ZFAND3: variants seen among roughly 807,000 people sequenced by gnomAD.
The protein encoded by ZFAND3 is AN1-type zinc finger protein 3.
A neutral mutation model predicts 29.6 loss-of-function variants in ZFAND3; 10 were observed. That is an observed-to-expected ratio of 0.34 (90% CI 0.21 to 0.57). The LOEUF is 0.57. Ranked by LOEUF, ZFAND3 falls within the 20% of genes least tolerant of loss-of-function variation. The probability of loss-of-function intolerance (pLI) is 0.86; values close to 1 mark genes in which losing one functional copy is unlikely to be tolerated. For synonymous variants in ZFAND3, 128 were observed against 112.6 expected, an observed-to-expected ratio of 1.14 and a Z score of -0.87; for missense variants, 230 against 304.5, an observed-to-expected ratio of 0.76 and a Z score of 1.82.
chr6:38,024,051 G>A (rs976252815), intron 2 of ZFAND3, among the ~76,000 whole-genome samples: 1 of 152,106 alleles, frequency 6.6e-6, no homozygotes, highest in South Asian at 2.1e-4. Flanking sequence ...CAAACGAGAC[G>A]AAACCAGGTT....
chr6:38,000,268 CT>C (rs1762922916), intron 2 of ZFAND3, among the ~76,000 whole-genome samples: 1 of 152,142 alleles, frequency 6.6e-6, no homozygotes, highest in Non-Finnish European at 1.5e-5. Flanking sequence ...ATTATAAATT[CT>C]TCTCATCTAA....
At chr6:37,948,869 A>C (rs1284825399) in intron 2 of ZFAND3, among the ~76,000 whole-genome samples, 1 of 152,108 alleles carries the variant, frequency 6.6e-6, no homozygotes, top group Non-Finnish European at 1.5e-5. Flanking sequence ...TTGGGCATTT[A>C]GGTTGATTCC....
chr6:37,857,917 A>G (rs1041194501), intron 1 of ZFAND3, among the ~76,000 whole-genome samples: 2 of 152,168 alleles, frequency 1.3e-5, no homozygotes, highest in African/African-American at 2.4e-5. Flanking sequence ...TGTTAACTTC[A>G]GGAATGGGCC....
intron 1 of ZFAND3, among the ~76,000 whole-genome samples, chr6:37,921,892 A>AC: frequency 6.6e-6 from 1 of 150,904 alleles, no homozygotes; most frequent in Non-Finnish European, 1.5e-5. Context: ...CAAAAAAAAA[A>AC]AAAAAACAAA....
At chr6:38,032,568 T>C (rs1456181030) in intron 2 of ZFAND3, among the ~76,000 whole-genome samples, 1 of 152,244 alleles carries the variant, frequency 6.6e-6, no homozygotes, top group African/African-American at 2.4e-5. Flanking sequence ...TAAAATGTAC[T>C]GAAGAACTCT....
intron 2 of ZFAND3, among the ~76,000 whole-genome samples, chr6:37,945,801 C>G (rs1367875547): frequency 1.3e-5 from 2 of 152,098 alleles, no homozygotes; most frequent in East Asian, 3.8e-4. Flanking sequence ...TATAAAATAC[C>G]TGACTTTGTT....
At chr6:38,116,856 C>T (rs910265540) in intron 5 of ZFAND3, 117 bp downstream of exon 5, 10 of 1,326,542 alleles carry the variant, frequency 7.5e-6, no homozygotes, top group African/African-American at 5.9e-5. Flanking sequence ...AAGTTTGCTA[C>T]AGTAGTGCAT....
chr6:38,064,666 CTTTTTT>C (rs35827782), intron 3 of ZFAND3, among the ~76,000 whole-genome samples: 1 of 115,940 alleles, frequency 8.6e-6, no homozygotes. Flanking sequence ...CTGCTATGGG[CTTTTTT>C]TTTTTTTTTT....
At chr6:37,855,792 C>T (rs1018512820) in intron 1 of ZFAND3, among the ~76,000 whole-genome samples, 6 of 152,088 alleles carry the variant, frequency 3.9e-5, no homozygotes, top group Non-Finnish European at 7.4e-5. Flanking sequence ...CAGTGTACTT[C>T]GTTGGTGCCT....
chr6:38,121,262 G>GCTA (rs1765528364), intron 5 of ZFAND3, among the ~76,000 whole-genome samples: 1 of 152,202 alleles, frequency 6.6e-6, no homozygotes, highest in Non-Finnish European at 1.5e-5. Flanking sequence ...TGTGGTCCCA[G>GCTA]CTACTTGGGA....
At chr6:38,041,246 T>C (rs1166702649) in intron 2 of ZFAND3, among the ~76,000 whole-genome samples, 1 of 152,204 alleles carries the variant, frequency 6.6e-6, no homozygotes, top group African/African-American at 2.4e-5. Context: ...AGTGTGCTCA[T>C]GTCTCTCCAC....
At chr6:38,108,657 C>T (rs1007424122) in intron 4 of ZFAND3, among the ~76,000 whole-genome samples, 7 of 152,224 alleles carry the variant, frequency 4.6e-5, no homozygotes, top group African/African-American at 1.2e-4. Context: ...CTGCTGTGTT[C>T]TGGCCATCCT....
intron 5 of ZFAND3, chr6:38,142,362 A>C: frequency 2.1e-6 from 1 of 471,278 alleles, no homozygotes; most frequent in Non-Finnish European, 4.4e-6. Flanking sequence ...CTTGCCTGCA[A>C]AGGTGCCTTC....
intron 1 of ZFAND3, among the ~76,000 whole-genome samples, chr6:37,832,190 G>A (rs1052461307): frequency 2.0e-5 from 3 of 152,160 alleles, no homozygotes; most frequent in Non-Finnish European, 4.4e-5. Context: ...GGCAGCAGTA[G>A]GGGGCTGAAA....
intron 2 of ZFAND3, among the ~76,000 whole-genome samples, chr6:38,024,107 T>C (rs1490187278): frequency 6.6e-6 from 1 of 152,200 alleles, no homozygotes; most frequent in Non-Finnish European, 1.5e-5. Context: ...AGTATTCCTT[T>C]CTTTAAAAAT....
intron 1 of ZFAND3, among the ~76,000 whole-genome samples, chr6:37,899,214 T>G (rs999917872): frequency 2.0e-4 from 30 of 152,212 alleles, no homozygotes; most frequent in Non-Finnish European, 4.0e-4. Flanking sequence ...GTTTCTGATT[T>G]TTAAGATTCC....
intron 1 of ZFAND3, among the ~76,000 whole-genome samples, chr6:37,836,147 T>G (rs1763964049): frequency 6.6e-6 from 1 of 152,184 alleles, no homozygotes; most frequent in Admixed American, 6.5e-5. Context: ...TCAGTGATTC[T>G]CTGTGGGATA....
At chr6:37,872,807 G>T (rs1473404780) in intron 1 of ZFAND3, among the ~76,000 whole-genome samples, 1 of 152,134 alleles carries the variant, frequency 6.6e-6, no homozygotes, top group East Asian at 1.9e-4. Context: ...TTTCAGTCTG[G>T]AGCTATTCCA....
intron 5 of ZFAND3, among the ~76,000 whole-genome samples, chr6:38,136,553 G>C (rs1219058501): frequency 6.6e-6 from 1 of 152,216 alleles, no homozygotes; most frequent in African/African-American, 2.4e-5. Flanking sequence ...TGTGTTCCAT[G>C]CCGATACTAG....
Sources: allele counts gnomAD v4.1 joint callset (sites outside exome capture counted in the v4.1 genomes callset), GRCh38; gene constraint gnomAD v4.1.1; transcripts MANE v1.5; gene names NCBI Gene and HGNC (gene_info 2026-07-23, HGNC 2026-07-21).